The following CTNNB1 variants were observed in gnomAD, a reference collection of about 807,000 sequenced individuals.
CTNNB1 encodes catenin beta 1, also known as catenin beta-1.
Under a neutral mutation model 82.5 loss-of-function variants are expected in CTNNB1, and 6 were observed. The ratio of observed to expected loss-of-function variants is 0.07; its 90% CI spans 0.04 to 0.14. CTNNB1 has a LOEUF of 0.14. Ranked by LOEUF, CTNNB1 falls within the 10% of genes least tolerant of loss-of-function variation. CTNNB1 has a pLI of 1.00. For missense variants in CTNNB1, 529 were observed against 980.4 expected, an observed-to-expected ratio of 0.54 and a Z score of 6.15; for synonymous variants, 312 against 329.7, an observed-to-expected ratio of 0.95 and a Z score of 0.58.
intron 1 of CTNNB1, among the ~76,000 whole-genome samples, chr3:41,207,026 T>G (rs2077664173): frequency 6.6e-6 from 1 of 152,252 alleles, no homozygotes; most frequent in South Asian, 2.1e-4. Flanking sequence ...TTTTATTGTT[T>G]AGTTTTCAAG....
intron 1 of CTNNB1, chr3:41,211,205 C>T (rs969156084): frequency 2.3e-5 from 9 of 392,572 alleles, no homozygotes; most frequent in Admixed American, 1.7e-4. Context: ...ACGATGGCTA[C>T]AACATCACTA....
intron 1 of CTNNB1, among the ~76,000 whole-genome samples, chr3:41,215,624 A>C (rs1015494589): frequency 6.6e-6 from 1 of 152,092 alleles, no homozygotes; most frequent in Admixed American, 6.5e-5. Context: ...AGGCTCTTTA[A>C]AATTTCTTTC....
intron 1 of CTNNB1, among the ~76,000 whole-genome samples, chr3:41,200,876 C>T (rs1722845): frequency 0.42 from 63,535 of 152,062 alleles, 14,801 homozygotes; most frequent in East Asian, 0.69. Flanking sequence ...CATCTGTGGT[C>T]TTCCCCCCAC....
intron 9 of CTNNB1, 77 bp from the exon 10 acceptor site, chr3:41,234,043 TTTTAGTTGATACCAATAGA>T (rs2078374230): frequency 3.9e-6 from 6 of 1,543,712 alleles, no homozygotes; most frequent in Non-Finnish European, 5.4e-6. Context: ...TCAGAACTAC[TTTTAGTTGATACCAATAGA>T]TTTAGTGTGG....
At position 41,210,968 on chromosome 3, in the gene CTNNB1, T is replaced by A. The variant is rs369762745; in HGVS notation, c.-49+11298T>A. On this transcript the variant is annotated intron_variant, in intron 1 of 14. Transcript: ENST00000349496. The stretch of plus-strand genomic sequence containing the variant: ...ACCATGCCTGGCTAATTAAAAAAAA[T>A]TTTTTGTAGAGACAGGGTCTCACTC... The A allele has an allele frequency of 2.0e-3, 883 of 450,406 alleles. 6 individuals carry two copies. Among genetic ancestry groups the A allele is most frequent in the African/African-American group, 0.016 (806 of 49,858 alleles). The allele number at this position is 450,406 out of a possible 1,614,324, so 27.9% of individuals were successfully genotyped here. A position where few individuals can be genotyped will look rare whatever the true frequency, so the allele number is the denominator to read the frequency against.
chr3:41,223,993 C>G (rs1198813665), intron 1 of CTNNB1, 28 bp from the exon 2 acceptor site: 3 of 1,473,612 alleles, frequency 2.0e-6, no homozygotes, highest in Non-Finnish European at 2.9e-6. Flanking sequence ...AATTTAAATC[C>G]TAATGACTTT....
chr3:41,236,916 A>C lies in CTNNB1; in HGVS notation c.2076+207A>C, dbSNP rs1199949976. On this transcript the variant is annotated intron_variant, in intron 13 of 14. Transcript: ENST00000349496. ...AGTCTGTTCAGAATCATTACAAATA[A>C]GTTGTGTTATTTAAAATTATAATTC... 4.8e-6 allele frequency: 3 copies of C among 624,978 alleles called. No homozygotes were observed. The Admixed American group carries it at 9.0e-5, about 19-fold the overall frequency. The allele number at this position is 624,978 out of a possible 1,614,324, so 38.7% of individuals were successfully genotyped here.
chr3:41,226,082 G>A (rs986863483), intron 6 of CTNNB1, among the ~76,000 whole-genome samples: 5 of 152,074 alleles, frequency 3.3e-5, no homozygotes, highest in African/African-American at 1.2e-4. Flanking sequence ...TAGATCCCTC[G>A]CATGTGCAGT....
chr3:41,209,219 G>T (rs1038405839), intron 1 of CTNNB1, among the ~76,000 whole-genome samples: 59 of 151,940 alleles, frequency 3.9e-4, no homozygotes, highest in African/African-American at 1.2e-3. Context: ...ATCTTTTTTT[G>T]TTGTGCATAT....
In CTNNB1 at chr3:41,215,243, T is replaced by C. The variant is rs2077887981; in HGVS notation, c.-48-8778T>C. Among the ~76,000 whole-genome samples the C allele has an allele frequency of 6.7e-5, 9 of 133,594 alleles. 1 individual carries two copies. The South Asian group carries it at 1.9e-3, about 29-fold the overall frequency. 87.6% of individuals were successfully genotyped at this position (133,594 alleles called of 152,430 possible). A position where few individuals can be genotyped will look rare whatever the true frequency, so the allele number is the denominator to read the frequency against. On this transcript the variant is annotated intron_variant, in intron 1 of 14. Transcript: ENST00000349496. Reference sequence around the variant, plus strand: ...AAAAAAAAAAAAAAAAAAAAATAGCTGGGGTTGGTGGTGGGCAGTAATCCC... The same window carrying C: ...AAAAAAAAAAAAAAAAAAAAATAGCCGGGGTTGGTGGTGGGCAGTAATCCC...
chr3:41,224,974 A>G lies in CTNNB1; in HGVS notation c.262A>G (p.Met88Val), dbSNP rs773961563. The change falls in exon 4 of 15, where the codon ATG becomes GTG. Residue 88 changes from methionine to valine, a missense_variant. By Grantham distance (21) the Met-to-Val change is conservative. This residue lies in a region of CTNNB1 where 411 missense variants were observed against 776.4 expected (regional missense o/e 0.53). Coordinates refer to ENST00000349496, the MANE Select transcript of CTNNB1 (RefSeq NM_001904.4). ...TCCAGATATTGATGGACAGTATGCAATGACTCGAGCTCAGAGGGTACGAGC... is the reference window on the plus strand; with the variant it reads ...TCCAGATATTGATGGACAGTATGCAGTGACTCGAGCTCAGAGGGTACGAGC... Reference protein sequence around the residue: ...QVADIDGQYAMTRAQRVRAAM... With the variant: ...QVADIDGQYAVTRAQRVRAAM... 3 of 1,614,086 alleles carry G rather than the reference A, an allele frequency of 1.9e-6. No homozygotes were observed. Among genetic ancestry groups the G allele is most frequent in the Non-Finnish European group, 2.5e-6 (3 of 1,179,972 alleles).
rs2125640443 is a variant in CTNNB1 at position 41,233,790 on chromosome 3, A to G, written c.1447A>G (p.Asn483Asp). 6.2e-7 allele frequency: 1 copy of G among 1,613,190 alleles called. No homozygotes were observed. Among genetic ancestry groups the G allele is most frequent in the Non-Finnish European group, 8.5e-7 (1 of 1,179,292 alleles). ...ACACCAAGAAGCAGAGATGGCCCAG[A>G]ATGCAGTTCGCCTTCACTATGGACT... ...SRHQEAEMAQNAVRLHYGLPV... is the reference protein window; with the variant it reads ...SRHQEAEMAQDAVRLHYGLPV... Residue 483 changes from asparagine to aspartate, a missense_variant, in exon 9 of 15, where the codon AAT becomes GAT. Physicochemically the swap from Asn to Asp is conservative, Grantham distance 23. Coordinates refer to ENST00000349496, the MANE Select transcript of CTNNB1 (RefSeq NM_001904.4).
In CTNNB1 at chr3:41,225,409, TCTC is replaced by T. The variant is rs2125622627; in HGVS notation, c.575_577del (p.Pro192del). ...AGCTTCCAGACACGCTATCATGCGT[TCTC>T]CTCAGATGGTGTCTGCTATTGTACG... On this transcript the variant is annotated inframe_deletion, in exon 5 of 15. Transcript: ENST00000349496. The surrounding 1 kb of genome is among the most constrained non-coding windows in gnomAD (Gnocchi z 5.3). 1 of 1,613,924 alleles carries T rather than the reference TCTC, an allele frequency of 6.2e-7. No homozygotes were observed. Among genetic ancestry groups the T allele is most frequent in the Non-Finnish European group, 8.5e-7 (1 of 1,179,968 alleles).
rs141678313 is a variant in CTNNB1 at position 41,233,735 on chromosome 3, C to G, written c.1392C>G (p.Ala464=). 4.2e-4 allele frequency: 674 copies of G among 1,613,960 alleles called. 1 individual carries two copies. The highest frequency in any genetic ancestry group is 5.5e-4 in the Non-Finnish European group (653 of 1,180,018). ...ACAGGGAAGACATCACTGAGCCTGC[C>G]ATCTGTGCTCTTCGTCATCTGACCA... ...AGDREDITEP[A]ICALRHLTSR... is the part of the protein sequence containing the mutation. Residue 464 remains alanine, a synonymous_variant, in exon 9 of 15, where the codon GCC becomes GCG. Transcript: ENST00000349496.
At chr3:41,234,690 G>A (rs1559475379) in intron 10 of CTNNB1, 1 of 207,914 alleles carries the variant, frequency 4.8e-6, no homozygotes. Flanking sequence ...TTAGCAGTCC[G>A]TTTTATTATC....
At chr3:41,216,461 T>C (rs2077918541) in intron 1 of CTNNB1, among the ~76,000 whole-genome samples, 1 of 152,254 alleles carries the variant, frequency 6.6e-6, no homozygotes, top group Non-Finnish European at 1.5e-5. Context: ...ATAGAAAATT[T>C]ATTGACACAT....
rs1304422018 is a variant in CTNNB1 at position 41,224,089 on chromosome 3, T to C, written c.13+8T>C. ...GGACAATGGCTACTCAAGGTTTGTG[T>C]CATTAAATCTTTAGTTACTGAATTG... On this transcript the variant is annotated splice_region_variant and intron_variant, in intron 2 of 14. Coordinates refer to ENST00000349496, the MANE Select transcript of CTNNB1 (RefSeq NM_001904.4). 2 of 1,613,794 alleles carry C rather than the reference T, an allele frequency of 1.2e-6. No homozygotes were observed. Among genetic ancestry groups the C allele is most frequent in the Non-Finnish European group, 1.7e-6 (2 of 1,179,730 alleles).
At chr3:41,216,015 C>T (rs889423006) in intron 1 of CTNNB1, among the ~76,000 whole-genome samples, 12 of 152,094 alleles carry the variant, frequency 7.9e-5, no homozygotes, top group African/African-American at 2.7e-4. Context: ...TTGTCTCTAA[C>T]TTTGGTATGG....
Position 41,233,831 on chromosome 3 carries a change from G to A in CTNNB1, c.1488G>A (p.Lys496=), listed in dbSNP as rs2125640718. The A allele has an allele frequency of 6.2e-7, 1 of 1,613,834 alleles. No individual in the cohort carries two copies. The highest frequency in any genetic ancestry group is 2.2e-5 in the East Asian group (1 of 44,854). ...ACTATGGACTACCAGTTGTGGTTAAGCTCTTACACCCACCATCCCACTGGC... is the reference window on the plus strand; with the variant it reads ...ACTATGGACTACCAGTTGTGGTTAAACTCTTACACCCACCATCCCACTGGC... The part of the protein sequence containing the change: ...RLHYGLPVVV[K]LLHPPSHWPL... Residue 496 remains lysine (K), a synonymous_variant, in exon 9 of 15, where the codon AAG becomes AAA. Coordinates refer to ENST00000349496, the MANE Select transcript of CTNNB1 (RefSeq NM_001904.4).
Sources: allele counts gnomAD v4.1 joint callset (sites outside exome capture counted in the v4.1 genomes callset), GRCh38; gene constraint gnomAD v4.1.1; regional missense constraint gnomAD v4.1.1; non-coding constraint Gnocchi (gnomAD v3.1); transcripts MANE v1.5; gene names NCBI Gene and HGNC (gene_info 2026-07-23, HGNC 2026-07-21).